Variants in GRIK2 observed in about 807,000 individuals in gnomAD.
GRIK2 encodes the protein glutamate receptor ionotropic, kainate 2.
In GRIK2, 32 loss-of-function variants were observed where a neutral mutation model predicts 100.3. That is an observed-to-expected ratio of 0.32 (90% confidence interval 0.24 to 0.43). GRIK2 has a LOEUF of 0.43. GRIK2 is among the 20% of genes least tolerant of loss of function. The pLI is 1.00. For missense variants in GRIK2, 843 were observed against 1,114.9 expected (o/e 0.76, Z 3.47); for synonymous variants, 417 against 389.4 (o/e 1.07, Z -0.83).
At chr6:101,944,181 T>A (rs1791133168) in intron 14 of GRIK2, among the ~76,000 whole-genome samples, 1 of 152,184 alleles carries the variant, frequency 6.6e-6, no homozygotes, top group African/African-American at 2.4e-5. Flanking sequence ...TCACCTTCCA[T>A]CATGATCATA....
chr6:101,698,604 C>G (rs1196239596), intron 7 of GRIK2, among the ~76,000 whole-genome samples: 3 of 152,030 alleles, frequency 2.0e-5, no homozygotes, highest in Non-Finnish European at 4.4e-5. Context: ...CATAAAAAAC[C>G]TCCTATGTAT....
chr6:101,645,333 T>G (rs984903680), intron 4 of GRIK2, among the ~76,000 whole-genome samples: 1 of 151,878 alleles, frequency 6.6e-6, no homozygotes, highest in Non-Finnish European at 1.5e-5. Flanking sequence ...GCTGTTGCTC[T>G]CTCTCTCAGG....
At chr6:101,923,937 A>C (rs543975167) in intron 12 of GRIK2, among the ~76,000 whole-genome samples, 1 of 151,628 alleles carries the variant, frequency 6.6e-6, no homozygotes, top group African/African-American at 2.4e-5. Flanking sequence ...AAAAAAAAAA[A>C]AAAAAAAAAA....
At chr6:101,643,513 T>C (rs1781381055) in intron 4 of GRIK2, among the ~76,000 whole-genome samples, 1 of 151,784 alleles carries the variant, frequency 6.6e-6, no homozygotes, top group Non-Finnish European at 1.5e-5. Context: ...TGTTAGAGTT[T>C]ATTGTTGAAA....
At chr6:102,020,905 C>A (rs1477808668) in intron 14 of GRIK2, among the ~76,000 whole-genome samples, 1 of 151,578 alleles carries the variant, frequency 6.6e-6, no homozygotes, top group Non-Finnish European at 1.5e-5. Context: ...AACATTCAAG[C>A]AAATTTAAAA....
At chr6:101,550,994 C>T (rs978685484) in intron 2 of GRIK2, among the ~76,000 whole-genome samples, 1 of 152,138 alleles carries the variant, frequency 6.6e-6, no homozygotes, top group Non-Finnish European at 1.5e-5. Flanking sequence ...CTGCTCCCTG[C>T]TCTGATGACC....
intron 4 of GRIK2, among the ~76,000 whole-genome samples, chr6:101,662,185 A>T (rs921070993): frequency 1.3e-5 from 2 of 152,350 alleles, no homozygotes; most frequent in African/African-American, 4.8e-5. Flanking sequence ...ATGAAGAAAG[A>T]TTAGTCTCTT....
At chr6:101,909,711 TG>T (rs1349663344) in intron 12 of GRIK2, among the ~76,000 whole-genome samples, 2 of 143,514 alleles carry the variant, frequency 1.4e-5, no homozygotes, top group African/African-American at 5.9e-5. Flanking sequence ...TGTGTATGTG[TG>T]TAAGTGTGTT....
At chr6:101,396,276 T>G (rs1775007265) in intron 1 of GRIK2, among the ~76,000 whole-genome samples, 1 of 141,424 alleles carries the variant, frequency 7.1e-6, no homozygotes, top group East Asian at 2.4e-4. Flanking sequence ...GAGTTTAATG[T>G]GAAAGAACAA....
chr6:101,497,500 ATT>A (rs1257817971), intron 2 of GRIK2, among the ~76,000 whole-genome samples: 1 of 151,954 alleles, frequency 6.6e-6, no homozygotes, highest in African/African-American at 2.4e-5. Context: ...GAAATATGAC[ATT>A]TTGCAGTTTT....
At chr6:101,406,425 G>A (rs1209783311) in intron 2 of GRIK2, among the ~76,000 whole-genome samples, 1 of 152,134 alleles carries the variant, frequency 6.6e-6, no homozygotes, top group Non-Finnish European at 1.5e-5. Flanking sequence ...GTGAAGATCT[G>A]AAAGGGTTTG....
intron 11 of GRIK2, among the ~76,000 whole-genome samples, chr6:101,876,027 G>GTGTA (rs1215926996): frequency 4.0e-5 from 6 of 151,622 alleles, no homozygotes; most frequent in African/African-American, 1.2e-4. Flanking sequence ...GTGTGTGTGT[G>GTGTA]TGTGTAAAGA....
intron 12 of GRIK2, among the ~76,000 whole-genome samples, 183 bp from the exon 13 acceptor site, chr6:101,924,418 T>C (rs1789754766): frequency 6.6e-6 from 1 of 152,210 alleles, no homozygotes; most frequent in African/African-American, 2.4e-5. Flanking sequence ...AATTAGCTGA[T>C]AAGGACAGGG....
At chr6:101,574,762 A>T (rs1777721089) in intron 2 of GRIK2, among the ~76,000 whole-genome samples, 1 of 151,906 alleles carries the variant, frequency 6.6e-6, no homozygotes, top group Non-Finnish European at 1.5e-5. Flanking sequence ...TTAAGGCTAA[A>T]TTTAAGATTT....
chr6:101,437,361 A>C lies in GRIK2; in HGVS notation c.115+37969A>C, dbSNP rs1444322929. On this transcript the variant is annotated intron_variant, in intron 2 of 16. Coordinates refer to ENST00000369134, the MANE Select transcript of GRIK2 (RefSeq NM_021956.5). ...ATTGATAATGGTCTAGCTACATAAT[A>C]GAAACATCATGTGGGGAGCATCTAA... Among the ~76,000 whole-genome samples the C allele has an allele frequency of 3.9e-5, 6 of 152,146 alleles. No homozygotes were observed. In the East Asian group the frequency reaches 9.6e-4, roughly 24 times the overall value.
At chr6:101,811,295 G>A (rs1781311522) in intron 9 of GRIK2, among the ~76,000 whole-genome samples, 1 of 151,956 alleles carries the variant, frequency 6.6e-6, no homozygotes, top group Non-Finnish European at 1.5e-5. Context: ...CTTTATTCAA[G>A]GCTGACACAT....
chr6:101,459,107 AT>A (rs34684611), intron 2 of GRIK2, among the ~76,000 whole-genome samples: 143,357 of 149,318 alleles, frequency 0.96, 68,824 homozygotes, highest in East Asian at 0.99. Context: ...CCAGAACACC[AT>A]TTTTTTTTTT....
chr6:101,752,430 A>G (rs73512717), intron 7 of GRIK2, among the ~76,000 whole-genome samples: 3,424 of 152,288 alleles, frequency 0.022, 117 homozygotes, highest in African/African-American at 0.076. Context: ...TCAAAACTGT[A>G]ATACAGGCAC....
chr6:101,899,549 G>T (rs1045039921), intron 12 of GRIK2, among the ~76,000 whole-genome samples: 1 of 151,638 alleles, frequency 6.6e-6, no homozygotes. Flanking sequence ...CTCTTTCCCC[G>T]CCTGGATATA....
Sources: allele counts gnomAD v4.1 joint callset (sites outside exome capture counted in the v4.1 genomes callset), GRCh38; gene constraint gnomAD v4.1.1; transcripts MANE v1.5; gene names NCBI Gene and HGNC (gene_info 2026-07-23, HGNC 2026-07-21).